The following PARM1 variants were observed in gnomAD, a reference collection of about 807,000 sequenced individuals.
PARM1 encodes the protein WSC4, cell wall integrity and stress response component 4 homolog.
PARM1 carries 14 observed loss-of-function variants against 24.6 expected under a neutral mutation model. The ratio of observed to expected loss-of-function variants is 0.57; its 90% CI spans 0.38 to 0.89. The LOEUF (loss-of-function observed/expected upper bound fraction) is 0.89, where lower values mean the gene tolerates loss of function less well. Among genes scored for constraint, PARM1 ranks in the 40% least tolerant of loss-of-function variants. PARM1 has a pLI of 0.00. For synonymous variants in PARM1, 179 were observed against 156.6 expected, an observed-to-expected ratio of 1.14 and a Z score of -1.07; for missense variants, 362 against 380.4, an observed-to-expected ratio of 0.95 and a Z score of 0.40.
At chr4:74,947,274 C>G (rs190863954) in intron 1 of PARM1, among the ~76,000 whole-genome samples, 4 of 152,130 alleles carry the variant, frequency 2.6e-5, no homozygotes, top group Admixed American at 6.5e-5. Context: ...TGTTAAATAA[C>G]ACTGTGGGGA....
rs543114994 is a variant in PARM1, at chr4:75,010,218, T to C, written c.44-2207T>C. On this transcript the variant is annotated intron_variant, in intron 1 of 3. Transcript: ENST00000307428. ...CCACATGCTATCACATGGATGAAAC[T>C]TGAAGTCATTTTGCTAAGTGAAATA... Among the ~76,000 whole-genome samples the C allele has an allele frequency of 4.6e-5, 7 of 152,356 alleles. No homozygotes were observed. In the East Asian group the frequency reaches 1.3e-3, roughly 29 times the overall value.
intron 2 of PARM1, among the ~76,000 whole-genome samples, chr4:75,019,025 C>CTGGGAGG (rs1363581836): frequency 6.6e-6 from 1 of 152,082 alleles, no homozygotes; most frequent in Non-Finnish European, 1.5e-5. Context: ...GTAGAGCTGC[C>CTGGGAGG]CAGTGGGAGG....
chr4:74,936,329 G>C (rs1213332919), intron 1 of PARM1, among the ~76,000 whole-genome samples: 2 of 152,058 alleles, frequency 1.3e-5, no homozygotes, highest in Non-Finnish European at 2.9e-5. Flanking sequence ...CCAAAACCAA[G>C]AAGGGAACGA....
intron 1 of PARM1, among the ~76,000 whole-genome samples, chr4:74,945,382 G>A (rs1261076142): frequency 6.6e-6 from 1 of 152,182 alleles, no homozygotes; most frequent in African/African-American, 2.4e-5. Flanking sequence ...TGTGGCTATA[G>A]TGACTGCTAG....
intron 2 of PARM1, among the ~76,000 whole-genome samples, chr4:75,018,585 T>C (rs1723030684): frequency 6.6e-6 from 1 of 152,186 alleles, no homozygotes; most frequent in Admixed American, 6.5e-5. Flanking sequence ...GTCTCTCAGG[T>C]CCTTTTGGCT....
chr4:74,934,996 C>CTTTTT (rs11392364), intron 1 of PARM1, among the ~76,000 whole-genome samples: 15 of 116,520 alleles, frequency 1.3e-4, no homozygotes, highest in Non-Finnish European at 1.4e-4. Flanking sequence ...GCTCTTTTTT[C>CTTTTT]TTTTTTTTTT....
At position 75,012,409 on chromosome 4, in the gene PARM1, A is replaced by G; in HGVS notation, c.44-16A>G. The stretch of plus-strand genomic sequence containing the variant: ...GTTTTCACATATTAACCACTTTTGT[A>G]CTGGCTTTTCCACAGGATGGAGGGT... On this transcript the variant is annotated splice_polypyrimidine_tract_variant and intron_variant, in intron 1 of 3. Coordinates refer to ENST00000307428, the MANE Select transcript of PARM1 (RefSeq NM_015393.4). The G allele has an allele frequency of 6.2e-7, 1 of 1,608,664 alleles. No homozygotes were observed. The highest frequency in any genetic ancestry group is 1.1e-5 in the South Asian group (1 of 90,980).
At chr4:75,042,003 C>T (rs113365450) in intron 3 of PARM1, among the ~76,000 whole-genome samples, 10 of 152,292 alleles carry the variant, frequency 6.6e-5, no homozygotes, top group African/African-American at 2.4e-4. Flanking sequence ...CTTTTCCCTT[C>T]CTATGTTTAA....
At chr4:74,960,564 A>T (rs1268501172) in intron 1 of PARM1, among the ~76,000 whole-genome samples, 1 of 152,200 alleles carries the variant, frequency 6.6e-6, no homozygotes, top group Non-Finnish European at 1.5e-5. Context: ...TGATTTCCAA[A>T]ATCACTATAT....
intron 3 of PARM1, among the ~76,000 whole-genome samples, chr4:75,036,949 C>T (rs1393125574): frequency 2.0e-5 from 3 of 152,050 alleles, no homozygotes; most frequent in African/African-American, 4.8e-5. Flanking sequence ...GTTTCAGAAA[C>T]CCCCTAAGGA....
intron 1 of PARM1, among the ~76,000 whole-genome samples, chr4:75,004,150 C>T (rs1722730183): frequency 6.6e-6 from 1 of 152,200 alleles, no homozygotes; most frequent in African/African-American, 2.4e-5. Flanking sequence ...AGGGAGGACA[C>T]ATTTCTGCTA....
intron 1 of PARM1, among the ~76,000 whole-genome samples, chr4:74,969,079 C>T (rs1198900235): frequency 2.0e-5 from 3 of 152,212 alleles, no homozygotes; most frequent in Non-Finnish European, 4.4e-5. Flanking sequence ...GGCTGCTTCT[C>T]TCTCCTTGCA....
intron 1 of PARM1, among the ~76,000 whole-genome samples, chr4:74,942,679 T>G (rs1578021481): frequency 6.6e-6 from 1 of 152,232 alleles, no homozygotes; most frequent in South Asian, 2.1e-4. Context: ...AACCACGTTT[T>G]GCCACCTCAG....
chr4:74,986,406 A>C (rs1327059330), intron 1 of PARM1, among the ~76,000 whole-genome samples: 3 of 152,220 alleles, frequency 2.0e-5, no homozygotes, highest in Non-Finnish European at 4.4e-5. Context: ...TTCATGACTT[A>C]ACCAGTCCCA....
At chr4:75,023,029 T>C (rs1430600308) in intron 2 of PARM1, among the ~76,000 whole-genome samples, 1 of 152,242 alleles carries the variant, frequency 6.6e-6, no homozygotes, top group Non-Finnish European at 1.5e-5. Flanking sequence ...GTCAGACTCA[T>C]GGCCTTCAAG....
intron 1 of PARM1, among the ~76,000 whole-genome samples, chr4:74,940,609 A>C (rs1265018579): frequency 6.6e-6 from 1 of 152,180 alleles, no homozygotes; most frequent in African/African-American, 2.4e-5. Context: ...TAGGATTTCA[A>C]CATATGAATT....
At position 75,047,485 on chromosome 4, in the gene PARM1, CTG is replaced by C. The variant is rs1056601718; in HGVS notation, c.*1242_*1243del. ...AAGAATTGTTCCTCTTTGTAGGTATCTGTGTATTGCAATCATTCTCAACCAGG... is the reference window on the plus strand; with the variant it reads ...AAGAATTGTTCCTCTTTGTAGGTATCTGTATTGCAATCATTCTCAACCAGG... On this transcript the variant is annotated 3_prime_UTR_variant, in exon 4 of 4. Transcript: ENST00000307428. The C allele has an allele frequency of 6.6e-6, 1 of 152,216 alleles. No individual in the cohort carries two copies. Among genetic ancestry groups the C allele is most frequent in the African/African-American group, 2.4e-5 (1 of 41,446 alleles). 9.4% of individuals were successfully genotyped at this position (152,216 alleles called of 1,614,324 possible).
At chr4:74,985,545 C>T (rs72860957) in intron 1 of PARM1, among the ~76,000 whole-genome samples, 4,095 of 152,220 alleles carry the variant, frequency 0.027, 87 homozygotes, top group South Asian at 0.079. Context: ...AGTAACAAAG[C>T]AACTTGCTTA....
chr4:74,940,607 C>T (rs1721285931), intron 1 of PARM1, among the ~76,000 whole-genome samples: 1 of 152,166 alleles, frequency 6.6e-6, no homozygotes, highest in African/African-American at 2.4e-5. Context: ...ATTAGGATTT[C>T]AACATATGAA....
Sources: gnomAD v4.1 joint callset for allele counts (sites outside exome capture counted in the v4.1 genomes callset) on GRCh38, gnomAD v4.1.1 for gene constraint, MANE v1.5 for transcripts, NCBI Gene and HGNC (gene_info 2026-07-23, HGNC 2026-07-21) for gene names.